Variants in CLTCL1 observed in about 807,000 individuals in gnomAD.
The protein encoded by CLTCL1 is clathrin heavy chain 2.
A neutral mutation model predicts 190.0 loss-of-function variants in CLTCL1; 159 were observed. The ratio of observed to expected loss-of-function variants is 0.84; its 90% CI spans 0.74 to 0.95. The LOEUF is 0.95. Ranked by LOEUF, CLTCL1 falls within the 40% of genes least tolerant of loss-of-function variation. The pLI is 0.00. For missense variants in CLTCL1, 1,878 were observed against 2,033.4 expected, an observed-to-expected ratio of 0.92 and a Z score of 1.47; for synonymous variants, 752 against 769.6, an observed-to-expected ratio of 0.98 and a Z score of 0.38.
chr22:19,185,946 T>A (rs1364378795), intron 29 of CLTCL1, among the ~76,000 whole-genome samples: 1 of 152,128 alleles, frequency 6.6e-6, no homozygotes, highest in Non-Finnish European at 1.5e-5. Context: ...TTCCTCTCCA[T>A]TCCCTCTGCA....
At chr22:19,220,704 G>A (rs1468607242) in intron 17 of CLTCL1, among the ~76,000 whole-genome samples, 1 of 152,214 alleles carries the variant, frequency 6.6e-6, no homozygotes, top group Non-Finnish European at 1.5e-5. Context: ...CAGTCCGCCT[G>A]TGTATCACAG....
intron 26 of CLTCL1, among the ~76,000 whole-genome samples, chr22:19,192,432 C>A (rs2084542766): frequency 6.6e-6 from 1 of 152,122 alleles, no homozygotes; most frequent in African/African-American, 2.4e-5. Context: ...CAGCTCTGTT[C>A]AGGGAGCATG....
intron 13 of CLTCL1, among the ~76,000 whole-genome samples, chr22:19,224,439 G>C (rs1044249070): frequency 1.3e-5 from 2 of 152,166 alleles, no homozygotes; most frequent in Admixed American, 1.3e-4. Context: ...TGGCCTCCAG[G>C]AGGAGGCCTG....
chr22:19,262,157 C>T (rs1275329721), intron 2 of CLTCL1, among the ~76,000 whole-genome samples: 3 of 151,906 alleles, frequency 2.0e-5, no homozygotes, highest in Non-Finnish European at 4.4e-5. Flanking sequence ...TCCCAAGTAG[C>T]TGGGACTACA....
At chr22:19,258,219 C>T (rs2086828404) in intron 2 of CLTCL1, 1 of 338,794 alleles carries the variant, frequency 3.0e-6, no homozygotes, top group South Asian at 2.4e-5. Flanking sequence ...TTTGGGTTGA[C>T]TGTGGAGGCA....
chr22:19,264,329 C>A (rs1457236211), intron 2 of CLTCL1, among the ~76,000 whole-genome samples: 1 of 151,228 alleles, frequency 6.6e-6, no homozygotes, highest in Non-Finnish European at 1.5e-5. Context: ...AAATTGGAAC[C>A]CTGTGCACTA....
intron 1 of CLTCL1, among the ~76,000 whole-genome samples, chr22:19,276,150 A>G (rs1217355455): frequency 6.6e-6 from 1 of 152,074 alleles, no homozygotes; most frequent in African/African-American, 2.4e-5. Flanking sequence ...ACCATCAGAT[A>G]AGGTGTCACA....
At chr22:19,279,138 G>T (rs782772806) in intron 1 of CLTCL1, among the ~76,000 whole-genome samples, 15 of 151,940 alleles carry the variant, frequency 9.9e-5, no homozygotes, top group Non-Finnish European at 1.8e-4. Flanking sequence ...ATGTATTTAT[G>T]TATTTATTTA....
intron 22 of CLTCL1, among the ~76,000 whole-genome samples, chr22:19,202,081 C>T (rs940220886): frequency 6.6e-6 from 1 of 152,056 alleles, no homozygotes; most frequent in Non-Finnish European, 1.5e-5. Context: ...ATCCTGAGCG[C>T]CTCAACTCCA....
chr22:19,281,636 A>G (rs1436745967), intron 1 of CLTCL1, among the ~76,000 whole-genome samples: 1 of 152,196 alleles, frequency 6.6e-6, no homozygotes, highest in Non-Finnish European at 1.5e-5. Flanking sequence ...TTCCGGCTTT[A>G]GCAGGATAGG....
chr22:19,199,885 C>T, intron 23 of CLTCL1, 44 bp from the exon 24 acceptor site: 1 of 1,308,454 alleles, frequency 7.6e-7, no homozygotes, highest in African/African-American at 1.5e-5. Flanking sequence ...AGACAGGACA[C>T]AGCACCACAG....
chr22:19,272,407 C>A (rs1346691487), intron 2 of CLTCL1, among the ~76,000 whole-genome samples: 4 of 152,148 alleles, frequency 2.6e-5, no homozygotes, highest in African/African-American at 7.2e-5. Context: ...AGTTCACGGC[C>A]AGGCATGAGG....
intron 19 of CLTCL1, among the ~76,000 whole-genome samples, chr22:19,214,564 C>G (rs1478787315): frequency 6.6e-6 from 1 of 151,762 alleles, no homozygotes. Flanking sequence ...TTAATACAGT[C>G]TTATTGGTTT....
chr22:19,291,672 G>T lies in CLTCL1; in HGVS notation c.-31C>A. On this transcript the variant is annotated 5_prime_UTR_variant, in exon 1 of 33. Transcript: ENST00000427926. ...GTGCGGGACCTCGGCGGCGGCGGCG[G>T]CAGCGGCAGGAATGAACGCCGACCC... 7.4e-7 allele frequency: 1 copy of T among 1,353,218 alleles called. No homozygotes were observed. Among genetic ancestry groups the T allele is most frequent in the Non-Finnish European group, 9.6e-7 (1 of 1,040,754 alleles). 83.8% of individuals were successfully genotyped at this position (1,353,218 alleles called of 1,614,324 possible). A position where few individuals can be genotyped will look rare whatever the true frequency, so the allele number is the denominator to read the frequency against.
chr22:19,210,145 T>G (rs151046800), intron 20 of CLTCL1, among the ~76,000 whole-genome samples, 181 bp downstream of exon 20: 2 of 147,836 alleles, frequency 1.4e-5, no homozygotes, highest in African/African-American at 2.5e-5. Context: ...ACAGAGAAGG[T>G]CAAGACAAGG....
chr22:19,289,303 A>T (rs535801105), intron 1 of CLTCL1, among the ~76,000 whole-genome samples: 64 of 152,152 alleles, frequency 4.2e-4, no homozygotes, highest in Non-Finnish European at 7.6e-4. Flanking sequence ...TTTTACAGCA[A>T]AGATTAGCCA....
intron 3 of CLTCL1, among the ~76,000 whole-genome samples, chr22:19,249,447 G>C (rs1308245869): frequency 6.6e-6 from 1 of 152,040 alleles, no homozygotes; most frequent in Non-Finnish European, 1.5e-5. Flanking sequence ...TTTTGATTCA[G>C]AGAAATATGT....
chr22:19,251,833 G>A (rs1414812921), intron 3 of CLTCL1, among the ~76,000 whole-genome samples: 1 of 152,252 alleles, frequency 6.6e-6, no homozygotes, highest in South Asian at 2.1e-4. Context: ...AACAGAAGTA[G>A]CAAGAGAAGA....
Position 19,199,791 on chromosome 22 carries a change from A to G in CLTCL1, c.3816T>C (p.Cys1272=). 6.3e-7 allele frequency: 1 copy of G among 1,599,746 alleles called. No individual in the cohort carries two copies. Among genetic ancestry groups the G allele is most frequent in the East Asian group, 2.3e-5 (1 of 44,398 alleles). Residue 1272 remains cysteine (C), a synonymous_variant, in exon 24 of 33, where the codon TGT becomes TGC. Transcript: ENST00000427926. ...CTGCATGAATGACGATGTGAAGACCACACAGCTGTGCGAAGCGGAACTCTT... is the reference window on the plus strand; with the variant it reads ...CTGCATGAATGACGATGTGAAGACCGCACAGCTGTGCGAAGCGGAACTCTT... ...DGQEFRFAQL[C]GLHIVIHADE...
Sources: gnomAD v4.1 joint callset for allele counts (sites outside exome capture counted in the v4.1 genomes callset) on GRCh38, gnomAD v4.1.1 for gene constraint, MANE v1.5 for transcripts, NCBI Gene and HGNC (gene_info 2026-07-23, HGNC 2026-07-21) for gene names.